Variants in HDAC9 observed in about 807,000 individuals in gnomAD.
HDAC9 encodes the protein histone deacetylase 9.
A neutral mutation model predicts 139.4 loss-of-function variants in HDAC9; 41 were observed. The ratio of observed to expected loss-of-function variants is 0.29; its 90% CI spans 0.23 to 0.38. The LOEUF (loss-of-function observed/expected upper bound fraction) is 0.38. Among genes scored for constraint, HDAC9 ranks in the 10% least tolerant of loss-of-function variants. HDAC9 has a pLI of 1.00. For synonymous variants in HDAC9, 517 were observed against 476.2 expected (o/e 1.09, Z -1.12); for missense variants, 1,147 against 1,297.0 (o/e 0.88, Z 1.78).
intron 6 of HDAC9, among the ~76,000 whole-genome samples, chr7:18,598,538 G>A (rs969154401): frequency 1.2e-4 from 18 of 152,240 alleles, no homozygotes; most frequent in Admixed American, 9.2e-4. Flanking sequence ...GTCAAATGAG[G>A]ATAATAATTG....
chr7:18,984,176 C>T (rs2526636), intron 25 of HDAC9, among the ~76,000 whole-genome samples: 19 of 151,940 alleles, frequency 1.3e-4, no homozygotes, highest in African/African-American at 4.6e-4. Flanking sequence ...ATCTGCATCC[C>T]TTTGGCTTAG....
intron 1 of HDAC9, among the ~76,000 whole-genome samples, chr7:18,091,328 G>T (rs1220949152): frequency 1.3e-5 from 2 of 152,192 alleles, no homozygotes; most frequent in African/African-American, 2.4e-5. Flanking sequence ...ACGTGTTTCT[G>T]GTGAGCTTGA....
At chr7:18,793,558 G>C in intron 17 of HDAC9, 106 bp downstream of exon 17, 1 of 775,508 alleles carries the variant, frequency 1.3e-6, no homozygotes, top group South Asian at 1.5e-5. Flanking sequence ...TAAAAGGAAG[G>C]GCAGAAGGAA....
chr7:18,615,214 A>G (rs1838242571), intron 6 of HDAC9, among the ~76,000 whole-genome samples: 1 of 152,192 alleles, frequency 6.6e-6, no homozygotes. Context: ...ATTAAAAAAT[A>G]TTTTGATTAA....
At chr7:18,162,202 A>G in intron 1 of HDAC9, 1 of 830,252 alleles carries the variant, frequency 1.2e-6, no homozygotes. Flanking sequence ...CTTGTATCTT[A>G]AACACTGCAT....
chr7:18,217,006 C>T (rs1185795619), intron 2 of HDAC9, among the ~76,000 whole-genome samples: 3 of 151,952 alleles, frequency 2.0e-5, no homozygotes, highest in Non-Finnish European at 2.9e-5. Flanking sequence ...CATTCTAAAA[C>T]AGATTTTTAA....
Position 18,432,899 on chromosome 7 carries a change from C to T in HDAC9, c.-41-63363C>T, listed in dbSNP as rs1390210443. Among the ~76,000 whole-genome samples the T allele has an allele frequency of 3.3e-5, 5 of 150,794 alleles. No homozygotes were observed. The South Asian group carries it at 6.3e-4, about 19-fold the overall frequency. On this transcript the variant is annotated intron_variant, in intron 1 of 3. Coordinates refer to the HDAC9 transcript ENST00000413509. ...CCGGGAGGCGGAGCTTGCAGTGAGC[C>T]GAGATCGCGCCACTGCATTCCAGCC...
At chr7:18,626,066 G>C (rs1447388969) in intron 6 of HDAC9, among the ~76,000 whole-genome samples, 2 of 151,710 alleles carry the variant, frequency 1.3e-5, no homozygotes, top group African/African-American at 4.8e-5. Flanking sequence ...ACTTAACAAG[G>C]AAGTTAGTAA....
At chr7:18,798,014 T>C (rs1190829757) in intron 17 of HDAC9, among the ~76,000 whole-genome samples, 2 of 152,298 alleles carry the variant, frequency 1.3e-5, no homozygotes, top group East Asian at 3.9e-4. Flanking sequence ...TTCATTGCTA[T>C]AAAATATTCC....
intron 5 of HDAC9, 130 bp from the exon 6 acceptor site, chr7:18,593,778 T>A: frequency 1.1e-6 from 1 of 916,448 alleles, no homozygotes; most frequent in African/African-American, 1.7e-5. Context: ...GAGGCTATGG[T>A]TTGTATACAC....
intron 1 of HDAC9, among the ~76,000 whole-genome samples, chr7:18,142,834 TCCTCCTCTCCCTGCTCCCA>T (rs2128111239): frequency 6.6e-6 from 1 of 152,282 alleles, no homozygotes; most frequent in East Asian, 1.9e-4. Flanking sequence ...AACTTCTGCC[TCCTCCTCTCCCTGCTCCCA>T]AGTGTGTGGC....
chr7:18,850,436 G>A (rs1797203515), intron 21 of HDAC9, among the ~76,000 whole-genome samples: 1 of 152,070 alleles, frequency 6.6e-6, no homozygotes, highest in South Asian at 2.1e-4. Context: ...ATTCTTCCCT[G>A]GAATAAACCT....
At chr7:18,537,260 G>C (rs1811211597) in intron 2 of HDAC9, among the ~76,000 whole-genome samples, 1 of 152,184 alleles carries the variant, frequency 6.6e-6, no homozygotes, top group African/African-American at 2.4e-5. Flanking sequence ...CAGGAGAATG[G>C]AAGAAACATA....
At chr7:18,260,829 A>C (rs1055414000) in intron 2 of HDAC9, among the ~76,000 whole-genome samples, 7 of 152,192 alleles carry the variant, frequency 4.6e-5, no homozygotes, top group Non-Finnish European at 8.8e-5. Context: ...GATTTGAGAC[A>C]TTATACTGCT....
intron 2 of HDAC9, chr7:18,578,289 C>T (rs556591849): frequency 3.9e-6 from 2 of 513,314 alleles, no homozygotes; most frequent in East Asian, 5.5e-5. Context: ...GTGTTTTGGC[C>T]TGCTATTCGT....
chr7:18,269,897 G>C (rs1005803443), intron 2 of HDAC9, among the ~76,000 whole-genome samples: 9 of 152,080 alleles, frequency 5.9e-5, no homozygotes, highest in African/African-American at 2.2e-4. Context: ...TATCATTGAG[G>C]TGAAAAGATC....
chr7:18,637,796 T>C (rs1008383458), intron 8 of HDAC9, among the ~76,000 whole-genome samples: 4 of 152,080 alleles, frequency 2.6e-5, no homozygotes, highest in Admixed American at 1.3e-4. Flanking sequence ...GTATTGCATT[T>C]ACAGAGATCT....
chr7:18,863,066 C>T (rs1358037026), intron 21 of HDAC9, among the ~76,000 whole-genome samples: 1 of 152,062 alleles, frequency 6.6e-6, no homozygotes, highest in African/African-American at 2.4e-5. Context: ...ACCAGCTGGA[C>T]AAGAGAGGAA....
At chr7:18,978,654 G>A (rs149967197) in intron 25 of HDAC9, among the ~76,000 whole-genome samples, 3 of 152,202 alleles carry the variant, frequency 2.0e-5, no homozygotes, top group East Asian at 1.9e-4. Flanking sequence ...AAATATATAC[G>A]TCTGGTCACA....
Sources: gnomAD v4.1 joint callset for allele counts (sites outside exome capture counted in the v4.1 genomes callset) on GRCh38, gnomAD v4.1.1 for gene constraint, MANE v1.5 for transcripts, NCBI Gene and HGNC (gene_info 2026-07-23, HGNC 2026-07-21) for gene names.